Variants in NRXN1 observed in about 807,000 individuals in gnomAD.
NRXN1 encodes the protein neurexin-1.
In NRXN1, 39 loss-of-function variants were observed where a neutral mutation model predicts 150.9. The ratio of observed to expected loss-of-function variants is 0.26; its 90% CI spans 0.20 to 0.34. The LOEUF (loss-of-function observed/expected upper bound fraction) is 0.34, where lower values mean the gene tolerates loss of function less well. Ranked by LOEUF, NRXN1 falls within the 10% of genes least tolerant of loss-of-function variation. The pLI is 1.00. For missense variants in NRXN1, 1,815 were observed against 1,949.9 expected (o/e 0.93, Z 1.30); for synonymous variants, 924 against 757.0 (o/e 1.22, Z -3.62).
intron 5 of NRXN1, chr2:50,829,466 C>A (rs1490342496): frequency 2.6e-6 from 4 of 1,559,034 alleles, no homozygotes; most frequent in Non-Finnish European, 3.5e-6. Context: ...AGCCTGACAG[C>A]AGGAGGGAGC....
chr2:50,906,097 G>T (rs1004169463), intron 5 of NRXN1, among the ~76,000 whole-genome samples: 3 of 152,018 alleles, frequency 2.0e-5, no homozygotes, highest in Non-Finnish European at 4.4e-5. Flanking sequence ...TACACTAGGG[G>T]CACTAAGGTT....
At chr2:50,264,191 T>C (rs963197463) in intron 17 of NRXN1, among the ~76,000 whole-genome samples, 1 of 152,098 alleles carries the variant, frequency 6.6e-6, no homozygotes, top group Non-Finnish European at 1.5e-5. Context: ...GATGTGTATT[T>C]ATATATTTTC....
chr2:50,952,971 G>A (rs949887301), intron 2 of NRXN1, among the ~76,000 whole-genome samples: 5 of 152,168 alleles, frequency 3.3e-5, no homozygotes, highest in Admixed American at 3.3e-4. Context: ...GTAAAGTGGT[G>A]TACACAGGAG....
At chr2:50,431,279 G>C (rs748811709) in intron 17 of NRXN1, among the ~76,000 whole-genome samples, 5 of 151,988 alleles carry the variant, frequency 3.3e-5, no homozygotes, top group Non-Finnish European at 7.4e-5. Context: ...TTACCTATTC[G>C]TTTCCCTTGA....
At chr2:50,199,505 C>T (rs890983076) in intron 18 of NRXN1, among the ~76,000 whole-genome samples, 4 of 149,372 alleles carry the variant, frequency 2.7e-5, no homozygotes, top group South Asian at 2.1e-4. Flanking sequence ...CCAAAGTAAT[C>T]GCTCTCTCTC....
intron 17 of NRXN1, among the ~76,000 whole-genome samples, chr2:50,410,560 G>C (rs1419105379): frequency 6.6e-6 from 1 of 152,064 alleles, no homozygotes; most frequent in Admixed American, 6.6e-5. Context: ...CCAGCCCCAT[G>C]GATAGTGTGT....
chr2:50,346,842 T>C lies in NRXN1; in HGVS notation c.3365-109872A>G. 1.2e-6 allele frequency: 2 copies of C among 1,602,600 alleles called. No homozygotes were observed. The highest frequency in any genetic ancestry group is 1.7e-6 in the Non-Finnish European group (2 of 1,174,826). ...GGAGGCCGCTGAGGGTGAGCGGGAC[T>C]ATCCAAAGCAGGGCCAGGCGCCCCC... On this transcript the variant is annotated intron_variant, in intron 17 of 22. Coordinates refer to ENST00000401669, the MANE Select transcript of NRXN1 (RefSeq NM_001330078.2). The surrounding 1 kb of genome is among the most constrained non-coding windows in gnomAD (Gnocchi z 5.0).
intron 5 of NRXN1, among the ~76,000 whole-genome samples, chr2:50,797,923 G>C (rs1003187940): frequency 2.0e-5 from 3 of 152,128 alleles, no homozygotes; most frequent in African/African-American, 7.2e-5. Flanking sequence ...CAGTTGTCTT[G>C]TACACAAATA....
At chr2:50,901,855 G>T (rs1271314656) in intron 5 of NRXN1, among the ~76,000 whole-genome samples, 1 of 152,170 alleles carries the variant, frequency 6.6e-6, no homozygotes, top group Non-Finnish European at 1.5e-5. Context: ...AGGTTTTCAA[G>T]CTTTCAAAAT....
chr2:50,738,076 C>T (rs907777849), intron 5 of NRXN1, among the ~76,000 whole-genome samples: 3 of 152,170 alleles, frequency 2.0e-5, no homozygotes, highest in Admixed American at 1.3e-4. Flanking sequence ...CACAGAGTAA[C>T]TGAGTAATCA....
intron 18 of NRXN1, among the ~76,000 whole-genome samples, chr2:50,162,890 T>A (rs902756806): frequency 3.3e-5 from 5 of 151,900 alleles, no homozygotes; most frequent in Non-Finnish European, 2.9e-5. Context: ...TCAAGAATCA[T>A]ATACTCTCTC....
intron 18 of NRXN1, among the ~76,000 whole-genome samples, chr2:50,101,369 A>C (rs1332991163): frequency 2.0e-5 from 3 of 152,050 alleles, no homozygotes; most frequent in Non-Finnish European, 1.5e-5. Flanking sequence ...GACATTTTTT[A>C]TGTAAAAAGG....
At chr2:50,476,732 T>C (rs1049444580) in intron 15 of NRXN1, among the ~76,000 whole-genome samples, 1 of 152,154 alleles carries the variant, frequency 6.6e-6, no homozygotes, top group Non-Finnish European at 1.5e-5. Flanking sequence ...TGGATTTAGT[T>C]GACAGTCATT....
chr2:50,004,141 G>C (rs1049994103), intron 21 of NRXN1, among the ~76,000 whole-genome samples: 3 of 152,046 alleles, frequency 2.0e-5, no homozygotes, highest in African/African-American at 7.2e-5. Flanking sequence ...AGATAGGCAG[G>C]AGTTAGATCA....
intron 17 of NRXN1, among the ~76,000 whole-genome samples, chr2:50,289,469 C>T (rs2072628640): frequency 6.6e-6 from 1 of 152,068 alleles, no homozygotes; most frequent in Non-Finnish European, 1.5e-5. Context: ...ACTGCCTTTT[C>T]ATATGAATGT....
chr2:50,772,518 T>C (rs1426710933), intron 5 of NRXN1, among the ~76,000 whole-genome samples: 1 of 151,338 alleles, frequency 6.6e-6, no homozygotes, highest in African/African-American at 2.4e-5. Flanking sequence ...AAAAAAAAAA[T>C]TGTACAAAGG....
intron 17 of NRXN1, among the ~76,000 whole-genome samples, chr2:50,368,147 A>C (rs1462047168): frequency 1.3e-5 from 2 of 151,982 alleles, no homozygotes; most frequent in Non-Finnish European, 1.5e-5. Flanking sequence ...TCTTTTGTGC[A>C]CATGTTGTTC....
intron 19 of NRXN1, among the ~76,000 whole-genome samples, chr2:50,081,360 C>T (rs906861567): frequency 7.9e-5 from 12 of 152,098 alleles, no homozygotes; most frequent in African/African-American, 2.4e-4. Flanking sequence ...GGGTGGATCA[C>T]GAGGTCAAGA....
At chr2:50,135,564 G>T (rs62132540) in intron 18 of NRXN1, among the ~76,000 whole-genome samples, 2 of 152,098 alleles carry the variant, frequency 1.3e-5, no homozygotes, top group African/African-American at 2.4e-5. Flanking sequence ...GGTGGCGGGC[G>T]CCTGTAGACC....
Sources: gnomAD v4.1 joint callset for allele counts (sites outside exome capture counted in the v4.1 genomes callset) on GRCh38, gnomAD v4.1.1 for gene constraint, Gnocchi (gnomAD v3.1) non-coding constraint, MANE v1.5 for transcripts, NCBI Gene and HGNC (gene_info 2026-07-23, HGNC 2026-07-21) for gene names.